The following LRBA variants were observed in gnomAD, a reference collection of about 807,000 sequenced individuals.
LRBA encodes LPS responsive beige-like anchor protein.
In LRBA, 176 loss-of-function variants were observed where a neutral mutation model predicts 330.0. The observed-to-expected ratio is 0.53, with a 90% CI of 0.47 to 0.60. LRBA has a LOEUF of 0.60. LRBA is among the 20% of genes least tolerant of loss of function. The pLI is 0.00. For synonymous variants in LRBA, 1,230 were observed against 1,193.0 expected, an observed-to-expected ratio of 1.03 and a Z score of -0.64; for missense variants, 3,259 against 3,444.8, an observed-to-expected ratio of 0.95 and a Z score of 1.35.
intron 22 of LRBA, among the ~76,000 whole-genome samples, chr4:150,856,151 T>G (rs1023188662): frequency 1.3e-5 from 2 of 152,110 alleles, no homozygotes; most frequent in South Asian, 2.1e-4. Context: ...CTTTGTGGAG[T>G]GAAGTGAGAA....
intron 47 of LRBA, among the ~76,000 whole-genome samples, chr4:150,379,744 T>G (rs1327367470): frequency 6.6e-6 from 1 of 152,238 alleles, no homozygotes; most frequent in African/African-American, 2.4e-5. Flanking sequence ...TCTAGGAAGA[T>G]ATGCTGGACT....
chr4:150,620,105 G>C (rs1776151221), intron 37 of LRBA, among the ~76,000 whole-genome samples: 1 of 151,830 alleles, frequency 6.6e-6, no homozygotes, highest in Non-Finnish European at 1.5e-5. Flanking sequence ...TTCGTTAATG[G>C]ATCAAAAATT....
intron 2 of LRBA, among the ~76,000 whole-genome samples, chr4:150,954,161 G>A (rs933062819): frequency 1.4e-5 from 2 of 144,822 alleles, no homozygotes; most frequent in African/African-American, 5.2e-5. Flanking sequence ...GGCAGCCCCC[G>A]CCCGGCCAGC....
chr4:150,441,643 A>G (rs1751853602), intron 44 of LRBA, among the ~76,000 whole-genome samples: 1 of 152,078 alleles, frequency 6.6e-6, no homozygotes, highest in African/African-American at 2.4e-5. Context: ...ACATTATTAT[A>G]CATTCTCATA....
chr4:150,862,535 G>A (rs1341776568), intron 22 of LRBA, among the ~76,000 whole-genome samples: 5 of 152,080 alleles, frequency 3.3e-5, no homozygotes, highest in Non-Finnish European at 1.5e-5. Context: ...GTCATGGGGT[G>A]GGGGAGAGGG....
chr4:150,719,810 A>G (rs1728692376), intron 36 of LRBA, among the ~76,000 whole-genome samples: 1 of 152,186 alleles, frequency 6.6e-6, no homozygotes. Context: ...GAAGCAAGAA[A>G]TTGAAAAATG....
chr4:150,858,195 G>C (rs1751448322), intron 22 of LRBA, among the ~76,000 whole-genome samples: 1 of 152,014 alleles, frequency 6.6e-6, no homozygotes, highest in Admixed American at 6.6e-5. Flanking sequence ...AAATGTTAAA[G>C]CTAAGAATAC....
At position 151,014,833 on chromosome 4, in the gene LRBA, C is replaced by G. The variant is rs111247073; in HGVS notation, c.-191G>C. On this transcript the variant is annotated 5_prime_UTR_variant, in exon 2 of 57. Transcript: ENST00000651943. ...CTTGGAGAATATTTGTCCAATCTCT[C>G]TCCCCGAGGCTGACAACAACGCCAA... 4 of 562,582 alleles carry G rather than the reference C, an allele frequency of 7.1e-6. No homozygotes were observed. The highest frequency in any genetic ancestry group is 3.7e-5 in the African/African-American group (2 of 53,696). 34.8% of individuals were successfully genotyped at this position (562,582 alleles called of 1,614,324 possible). A position where few individuals can be genotyped will look rare whatever the true frequency, so the allele number is the denominator to read the frequency against.
chr4:150,672,139 T>C (rs1316121979), intron 37 of LRBA, among the ~76,000 whole-genome samples: 2 of 152,218 alleles, frequency 1.3e-5, no homozygotes, highest in South Asian at 2.1e-4. Context: ...CCATTGACCA[T>C]ATTAGGATAA....
chr4:150,544,362 C>T (rs1175713270), intron 40 of LRBA, among the ~76,000 whole-genome samples: 1 of 151,982 alleles, frequency 6.6e-6, no homozygotes, highest in Non-Finnish European at 1.5e-5. Context: ...CCCTGACCTC[C>T]AGTGATACAC....
At chr4:150,977,923 G>A (rs1740383627) in intron 2 of LRBA, among the ~76,000 whole-genome samples, 1 of 152,352 alleles carries the variant, frequency 6.6e-6, no homozygotes. Flanking sequence ...TTGGCTCCTG[G>A]ATGGCCTCTC....
intron 4 of LRBA, among the ~76,000 whole-genome samples, chr4:150,923,755 G>A (rs1733586501): frequency 6.6e-6 from 1 of 152,048 alleles, no homozygotes; most frequent in South Asian, 2.1e-4. Flanking sequence ...GAAAAGTGTG[G>A]GGCATTCCTC....
At chr4:150,464,852 T>G (rs1194670607) in intron 44 of LRBA, among the ~76,000 whole-genome samples, 1 of 152,122 alleles carries the variant, frequency 6.6e-6, no homozygotes, top group East Asian at 1.9e-4. Context: ...TTTTTCAAAT[T>G]GTTTCTAGTT....
chr4:150,641,802 TTA>T (rs1778706034), intron 37 of LRBA, among the ~76,000 whole-genome samples: 1 of 151,932 alleles, frequency 6.6e-6, no homozygotes, highest in Non-Finnish European at 1.5e-5. Context: ...CTCTAAAGGG[TTA>T]TGAGGTCAAA....
intron 40 of LRBA, among the ~76,000 whole-genome samples, chr4:150,587,065 TC>T (rs1288213118): frequency 6.6e-6 from 1 of 152,130 alleles, no homozygotes; most frequent in Non-Finnish European, 1.5e-5. Flanking sequence ...ATCTACCAAG[TC>T]CTGTCTTAAT....
intron 36 of LRBA, among the ~76,000 whole-genome samples, chr4:150,694,459 T>TAAAAAAAAAAAAAAAAAAAAA (rs1296371573): frequency 1.3e-4 from 1 of 7,492 alleles, no homozygotes; most frequent in African/African-American, 2.1e-4. Flanking sequence ...GTGTGATCTT[T>TAAAAAAAAAAAAAAAAAAAAA]AACAAAAAAA....
At chr4:150,693,583 A>G (rs2126962866) in intron 36 of LRBA, among the ~76,000 whole-genome samples, 1 of 150,788 alleles carries the variant, frequency 6.6e-6, no homozygotes, top group East Asian at 1.9e-4. Flanking sequence ...AAAAAAAAAA[A>G]AAATTGGGCA....
chr4:150,268,969 G>A (rs992228064), intron 56 of LRBA, among the ~76,000 whole-genome samples: 1 of 147,532 alleles, frequency 6.8e-6, no homozygotes, highest in African/African-American at 2.5e-5. Context: ...ACATGATCTT[G>A]TATGTAGGAA....
intron 51 of LRBA, among the ~76,000 whole-genome samples, chr4:150,312,942 T>C (rs920471475): frequency 3.9e-5 from 6 of 151,914 alleles, no homozygotes; most frequent in Non-Finnish European, 7.4e-5. Context: ...TAAATGTTCA[T>C]TTTATGTAAA....
Sources: allele counts gnomAD v4.1 joint callset (sites outside exome capture counted in the v4.1 genomes callset), GRCh38; gene constraint gnomAD v4.1.1; transcripts MANE v1.5; gene names NCBI Gene and HGNC (gene_info 2026-07-23, HGNC 2026-07-21).